Variants in KLHL8 observed in about 807,000 individuals in gnomAD.
KLHL8 encodes the protein kelch like family member 8.
KLHL8 carries 38 observed loss-of-function variants against 63.5 expected under a neutral mutation model. The ratio of observed to expected loss-of-function variants is 0.60; its 90% CI spans 0.46 to 0.78. The LOEUF (loss-of-function observed/expected upper bound fraction) is 0.78, where lower values mean the gene tolerates loss of function less well. Among genes scored for constraint, KLHL8 ranks in the 30% least tolerant of loss-of-function variants. The pLI is 0.00. For synonymous variants in KLHL8, 224 were observed against 254.3 expected, an observed-to-expected ratio of 0.88 and a Z score of 1.13; for missense variants, 566 against 752.4, an observed-to-expected ratio of 0.75 and a Z score of 2.90.
Position 87,160,345 on chromosome 4 carries a change from T to G in KLHL8, c.*3174A>C, listed in dbSNP as rs1181290975. 6.6e-6 allele frequency: 1 copy of G among 152,172 alleles called. No homozygotes were observed. The highest frequency in any genetic ancestry group is 1.9e-4 in the East Asian group (1 of 5,194). 9.4% of individuals were successfully genotyped at this position (152,172 alleles called of 1,614,324 possible). A position where few individuals can be genotyped will look rare whatever the true frequency, so the allele number is the denominator to read the frequency against. ...AATGGCATCCCAGTAATAATTTCTTTACACATCTGATACGAGAAACCACAG... is the reference window on the plus strand; with the variant it reads ...AATGGCATCCCAGTAATAATTTCTTGACACATCTGATACGAGAAACCACAG... On this transcript the variant is annotated 3_prime_UTR_variant, in exon 10 of 10. Transcript: ENST00000273963.
intron 1 of KLHL8, among the ~76,000 whole-genome samples, chr4:87,237,456 T>G (rs1733251903): frequency 6.6e-6 from 1 of 152,110 alleles, no homozygotes; most frequent in Non-Finnish European, 1.5e-5. Context: ...ACATAATAAA[T>G]AACAGAAAAT....
chr4:87,165,108 C>A (rs912666014), intron 8 of KLHL8, among the ~76,000 whole-genome samples: 2 of 144,842 alleles, frequency 1.4e-5, no homozygotes. Context: ...CGAGATTGTG[C>A]CACTGCACTC....
chr4:87,206,190 C>T (rs1426288599), intron 1 of KLHL8, among the ~76,000 whole-genome samples: 2 of 152,146 alleles, frequency 1.3e-5, no homozygotes, highest in African/African-American at 4.8e-5. Context: ...ACTCTATTCT[C>T]TCTCATTGTA....
intron 1 of KLHL8, among the ~76,000 whole-genome samples, chr4:87,197,926 T>C (rs1731759288): frequency 6.8e-6 from 1 of 147,786 alleles, no homozygotes. Flanking sequence ...TCTGTCATTG[T>C]AACACAAAAG....
intron 1 of KLHL8, among the ~76,000 whole-genome samples, chr4:87,200,468 AT>A (rs1347082980): frequency 6.6e-6 from 1 of 152,166 alleles, no homozygotes; most frequent in African/African-American, 2.4e-5. Context: ...TTTTTATTGG[AT>A]TTAAAAAACA....
At chr4:87,165,226 A>G (rs1730353178) in intron 8 of KLHL8, among the ~76,000 whole-genome samples, 1 of 151,890 alleles carries the variant, frequency 6.6e-6, no homozygotes, top group African/African-American at 2.4e-5. Flanking sequence ...ATTTTATTAA[A>G]TCAATTAAAA....
chr4:87,183,501 C>T (rs755773278), intron 3 of KLHL8, 112 bp from the exon 4 acceptor site: 6 of 764,532 alleles, frequency 7.8e-6, no homozygotes, highest in Non-Finnish European at 1.2e-5. Flanking sequence ...TTCTCCACTT[C>T]TACTGCAGCA....
intron 2 of KLHL8, among the ~76,000 whole-genome samples, chr4:87,193,770 A>C (rs1242190338): frequency 1.3e-5 from 2 of 152,208 alleles, no homozygotes; most frequent in Non-Finnish European, 2.9e-5. Context: ...TGATAGCTAC[A>C]ACATTACTAA....
At chr4:87,184,137 C>T (rs1731161162) in intron 3 of KLHL8, among the ~76,000 whole-genome samples, 1 of 152,164 alleles carries the variant, frequency 6.6e-6, no homozygotes, top group Non-Finnish European at 1.5e-5. Context: ...TGAACGAAAT[C>T]TGCCTTACCA....
At position 87,161,043 on chromosome 4, in the gene KLHL8, T is replaced by C. The variant is rs962242220; in HGVS notation, c.*2476A>G. On this transcript the variant is annotated 3_prime_UTR_variant, in exon 10 of 10. Transcript: ENST00000273963. ...ACATATTGATTCTGCTTTTTTATCT[T>C]TTTTTTTTTTTTTTTTTTGAGATGG... 1 of 141,838 alleles carries C rather than the reference T, an allele frequency of 7.1e-6. No individual in the cohort carries two copies. Among genetic ancestry groups the C allele is most frequent in the African/African-American group, 2.7e-5 (1 of 36,518 alleles). The allele number at this position is 141,838 out of a possible 1,614,324, so 8.8% of individuals were successfully genotyped here. A position where few individuals can be genotyped will look rare whatever the true frequency, so the allele number is the denominator to read the frequency against.
intron 2 of KLHL8, among the ~76,000 whole-genome samples, chr4:87,186,976 T>TA (rs144905015): frequency 0.3 from 45,129 of 148,144 alleles, 7,338 homozygotes; most frequent in African/African-American, 0.43. Context: ...ATAAAAGCAG[T>TA]AAAAAAAAAA....
chr4:87,195,596 T>G lies in KLHL8; in HGVS notation c.-57A>C, dbSNP rs903144054. On this transcript the variant is annotated 5_prime_UTR_variant, in exon 2 of 10. Coordinates refer to ENST00000273963, the MANE Select transcript of KLHL8 (RefSeq NM_020803.5). ...TCTCAAACATGCCATTTATTTTTTT[T>G]CAAAGGGTAGAGAGAAGGCAGAAGG... The G allele has an allele frequency of 1.4e-6, 2 of 1,476,208 alleles. No homozygotes were observed. Among genetic ancestry groups the G allele is most frequent in the Non-Finnish European group, 1.9e-6 (2 of 1,065,118 alleles). 91.4% of individuals were successfully genotyped at this position (1,476,208 alleles called of 1,614,324 possible).
chr4:87,203,747 C>G lies in KLHL8; in HGVS notation c.-151-8057G>C, dbSNP rs190098838. Among the ~76,000 whole-genome samples, 43 of 151,238 alleles carry G rather than the reference C, an allele frequency of 2.8e-4. 1 individual carries two copies. The highest frequency in any genetic ancestry group is 1.1e-3 in the Admixed American group (16 of 15,190). ...GAAAACACAGAAAAACTTCATGACT[C>G]GGGGTCAGGCTACTAGTTGTTAAAT... On this transcript the variant is annotated intron_variant, in intron 1 of 9. Coordinates refer to ENST00000273963, the MANE Select transcript of KLHL8 (RefSeq NM_020803.5).
chr4:87,166,506 A>G (rs888751789), intron 8 of KLHL8, among the ~76,000 whole-genome samples: 3 of 152,196 alleles, frequency 2.0e-5, no homozygotes, highest in Admixed American at 2.0e-4. Context: ...ACACTTTGAG[A>G]TGCTTAACAT....
intron 5 of KLHL8, among the ~76,000 whole-genome samples, chr4:87,177,325 G>C (rs1205356106): frequency 6.6e-6 from 1 of 151,982 alleles, no homozygotes; most frequent in Admixed American, 6.6e-5. Context: ...GACCAACATG[G>C]TGAAAGCCCA....
intron 1 of KLHL8, among the ~76,000 whole-genome samples, chr4:87,226,926 AT>A (rs538068522): frequency 1.8e-5 from 1 of 55,738 alleles, no homozygotes; most frequent in Non-Finnish European, 3.0e-5. Flanking sequence ...TAATATATAT[AT>A]TATATATAAA....
rs1006178148 is a variant in KLHL8, at chr4:87,170,107, G to A, written c.1509C>T (p.Ser503=). 20 of 1,614,038 alleles carry A rather than the reference G, an allele frequency of 1.2e-5. No individual in the cohort carries two copies. Among genetic ancestry groups the A allele is most frequent in the Non-Finnish European group, 1.7e-5 (20 of 1,179,942 alleles). The change falls in exon 8 of 10, where the codon AGC becomes AGT. Residue 503 remains serine, a synonymous_variant. Coordinates refer to ENST00000273963, the MANE Select transcript of KLHL8 (RefSeq NM_020803.5). ...CTACGTATAAGCAACCATGAAGCTT[G>A]CTAACTCCATTGCCTGCTCTTCGCT... is the stretch of plus-strand genomic sequence containing the variant. ...MGQRRAGNGV[S]KLHGCLYVVG...
intron 5 of KLHL8, among the ~76,000 whole-genome samples, chr4:87,177,491 C>T (rs773649990): frequency 1.3e-5 from 2 of 150,872 alleles, no homozygotes; most frequent in Non-Finnish European, 1.5e-5. Flanking sequence ...GCAACAAGAG[C>T]GAAACTTCAT....
intron 1 of KLHL8, among the ~76,000 whole-genome samples, chr4:87,208,365 T>TTTTC (rs1270196813): frequency 2.7e-5 from 4 of 150,178 alleles, no homozygotes; most frequent in Non-Finnish European, 5.9e-5. Context: ...CTTCTTCTTT[T>TTTTC]TTTCTTTTTT....
Sources: gnomAD v4.1 joint callset for allele counts (sites outside exome capture counted in the v4.1 genomes callset) on GRCh38, gnomAD v4.1.1 for gene constraint, MANE v1.5 for transcripts, NCBI Gene and HGNC (gene_info 2026-07-23, HGNC 2026-07-21) for gene names.